The following KCNIP4 variants were observed in gnomAD, a reference collection of about 807,000 sequenced individuals.
KCNIP4 encodes potassium voltage-gated channel interacting protein 4, also known as Kv channel-interacting protein 4.
A neutral mutation model predicts 34.0 loss-of-function variants in KCNIP4; 12 were observed. The ratio of observed to expected loss-of-function variants is 0.35; its 90% confidence interval spans 0.23 to 0.57. The LOEUF is 0.57. Among genes scored for constraint, KCNIP4 ranks in the 20% least tolerant of loss-of-function variants. The pLI, the probability that KCNIP4 is intolerant of heterozygous loss-of-function variation, is 0.83. For missense variants in KCNIP4, 238 were observed against 311.7 expected, an observed-to-expected ratio of 0.76 and a Z score of 1.78; for synonymous variants, 124 against 102.2, an observed-to-expected ratio of 1.21 and a Z score of -1.29.
intron 3 of KCNIP4, among the ~76,000 whole-genome samples, chr4:20,784,382 A>G (rs979911142): frequency 1.3e-5 from 2 of 152,210 alleles, no homozygotes; most frequent in East Asian, 1.9e-4. Context: ...GAAAGATAAC[A>G]GTCTATGAAG....
At chr4:20,807,624 G>A (rs985964373) in intron 3 of KCNIP4, among the ~76,000 whole-genome samples, 2 of 152,070 alleles carry the variant, frequency 1.3e-5, no homozygotes, top group Non-Finnish European at 2.9e-5. Context: ...TTTAAAAATG[G>A]TTATTATGAG....
At chr4:21,825,192 A>G (rs991361203) in intron 1 of KCNIP4, among the ~76,000 whole-genome samples, 2 of 152,146 alleles carry the variant, frequency 1.3e-5, no homozygotes, top group African/African-American at 4.8e-5. Flanking sequence ...CATACTTTTT[A>G]TCAAGTGCCA....
intron 1 of KCNIP4, among the ~76,000 whole-genome samples, chr4:21,519,819 A>G (rs993983075): frequency 1.2e-4 from 18 of 144,030 alleles, no homozygotes; most frequent in East Asian, 8.2e-4. Context: ...ATGTGTGTGT[A>G]TACACACGTG....
intron 1 of KCNIP4, among the ~76,000 whole-genome samples, chr4:21,430,237 C>T (rs1287474497): frequency 2.0e-5 from 3 of 152,180 alleles, no homozygotes; most frequent in East Asian, 3.9e-4. Flanking sequence ...TCTATTCTTG[C>T]ATCACGTTTT....
chr4:21,438,031 T>A (rs938576188), intron 1 of KCNIP4, among the ~76,000 whole-genome samples: 4 of 152,144 alleles, frequency 2.6e-5, no homozygotes, highest in African/African-American at 9.7e-5. Flanking sequence ...TGAGTCTTGT[T>A]ATGATCATAA....
At chr4:20,958,354 G>A (rs1003295309) in intron 1 of KCNIP4, among the ~76,000 whole-genome samples, 1 of 152,162 alleles carries the variant, frequency 6.6e-6, no homozygotes, top group Non-Finnish European at 1.5e-5. Context: ...ATGGATAAAT[G>A]CATGGAAAAG....
chr4:21,659,305 T>C (rs1748238425), intron 1 of KCNIP4, among the ~76,000 whole-genome samples: 1 of 152,188 alleles, frequency 6.6e-6, no homozygotes, highest in Non-Finnish European at 1.5e-5. Flanking sequence ...TTCAAAGCAG[T>C]TTTAACCATA....
intron 1 of KCNIP4, among the ~76,000 whole-genome samples, chr4:21,198,065 A>G (rs1307512993): frequency 2.0e-5 from 3 of 152,202 alleles, no homozygotes; most frequent in African/African-American, 7.2e-5. Context: ...AGCCAAATAC[A>G]CATACGCTAT....
intron 3 of KCNIP4, among the ~76,000 whole-genome samples, chr4:20,849,463 G>C (rs41424045): frequency 0.11 from 16,978 of 152,244 alleles, 1,300 homozygotes; most frequent in Non-Finnish European, 0.16. Flanking sequence ...AATTCTCTGA[G>C]TAAATTGCTG....
chr4:21,491,910 A>C (rs1226007584), intron 1 of KCNIP4, among the ~76,000 whole-genome samples: 1 of 152,222 alleles, frequency 6.6e-6, no homozygotes, highest in Admixed American at 6.5e-5. Flanking sequence ...TTATTAAATG[A>C]AAAGAATAAA....
intron 1 of KCNIP4, among the ~76,000 whole-genome samples, chr4:21,357,761 T>C (rs1176804404): frequency 2.0e-5 from 3 of 152,250 alleles, no homozygotes; most frequent in East Asian, 3.9e-4. Flanking sequence ...GACAGTGTGG[T>C]GATTCCTCAA....
chr4:21,833,249 C>T (rs978463694), intron 1 of KCNIP4, among the ~76,000 whole-genome samples: 93 of 151,638 alleles, frequency 6.1e-4, no homozygotes, highest in African/African-American at 2.1e-3. Context: ...CTCTCCAGCA[C>T]CTGTTGTTTC....
At chr4:21,824,432 C>G (rs1430461290) in intron 1 of KCNIP4, among the ~76,000 whole-genome samples, 1 of 152,104 alleles carries the variant, frequency 6.6e-6, no homozygotes. Flanking sequence ...GATTGGTGCT[C>G]AAGGCATTTT....
chr4:21,175,696 T>A (rs1198306634), intron 1 of KCNIP4, among the ~76,000 whole-genome samples: 1 of 152,148 alleles, frequency 6.6e-6, no homozygotes, highest in African/African-American at 2.4e-5. Context: ...GACTACTAAG[T>A]GACAAAGGGA....
rs76470157 is a variant in KCNIP4 at position 21,020,572 on chromosome 4, T to G, written c.62-137863A>C. ...ACGATCTTCAGGGTACACAGAGTTTTTCTCTAGATGCTTGACGATATCGCC... is the reference window on the plus strand; with the variant it reads ...ACGATCTTCAGGGTACACAGAGTTTGTCTCTAGATGCTTGACGATATCGCC... On this transcript the variant is annotated intron_variant, in intron 1 of 8. Coordinates refer to ENST00000382152, the MANE Select transcript of KCNIP4 (RefSeq NM_025221.6). Among the ~76,000 whole-genome samples the G allele has an allele frequency of 3.3e-3, 499 of 152,294 alleles. 3 individuals carry two copies. Among genetic ancestry groups the G allele is most frequent in the African/African-American group, 0.011 (477 of 41,560 alleles).
intron 1 of KCNIP4, among the ~76,000 whole-genome samples, chr4:21,217,806 G>GGTGT (rs1757695810): frequency 6.6e-6 from 1 of 152,012 alleles, no homozygotes; most frequent in Non-Finnish European, 1.5e-5. Flanking sequence ...GAGCCAATGT[G>GGTGT]GTGTACATCT....
At chr4:21,646,185 T>A (rs1746996460) in intron 1 of KCNIP4, among the ~76,000 whole-genome samples, 1 of 152,214 alleles carries the variant, frequency 6.6e-6, no homozygotes, top group African/African-American at 2.4e-5. Context: ...ATTATTATCC[T>A]CCACTTGGCC....
chr4:21,564,622 T>A lies in KCNIP4; in HGVS notation c.61+383949A>T, dbSNP rs141314045. Among the ~76,000 whole-genome samples, 540 of 152,174 alleles carry A rather than the reference T, an allele frequency of 3.5e-3. 1 individual carries two copies. Among genetic ancestry groups the A allele is most frequent in the Middle Eastern group, 0.01 (3 of 294 alleles). ...GAAAATTTGTAATTCCGTGTCTTAGTCTGTTTAGTGTTACTATGAAGAGAT... is the reference window on the plus strand; with the variant it reads ...GAAAATTTGTAATTCCGTGTCTTAGACTGTTTAGTGTTACTATGAAGAGAT... On this transcript the variant is annotated intron_variant, in intron 1 of 8. Coordinates refer to ENST00000382152, the MANE Select transcript of KCNIP4 (RefSeq NM_025221.6).
chr4:21,632,207 G>A (rs7680915), intron 1 of KCNIP4, among the ~76,000 whole-genome samples: 17,912 of 151,792 alleles, frequency 0.12, 1,191 homozygotes, highest in African/African-American at 0.18. Flanking sequence ...CTACACTTTC[G>A]ACTTCAAAAA....
Sources: gnomAD v4.1 joint callset for allele counts (sites outside exome capture counted in the v4.1 genomes callset) on GRCh38, gnomAD v4.1.1 for gene constraint, MANE v1.5 for transcripts, NCBI Gene and HGNC (gene_info 2026-07-23, HGNC 2026-07-21) for gene names.